Variants in XKR4 observed in about 807,000 individuals in gnomAD.
XKR4 encodes the protein XK related 4.
XKR4 carries 12 observed loss-of-function variants against 53.9 expected under a neutral mutation model. The observed-to-expected ratio is 0.22, with a 90% confidence interval of 0.14 to 0.36. XKR4 has a LOEUF of 0.36. Among genes scored for constraint, XKR4 ranks in the 10% least tolerant of loss-of-function variants. The pLI is 1.00. For missense variants in XKR4, 799 were observed against 859.5 expected, an observed-to-expected ratio of 0.93 and a Z score of 0.88; for synonymous variants, 354 against 362.4, an observed-to-expected ratio of 0.98 and a Z score of 0.26.
intron 2 of XKR4, among the ~76,000 whole-genome samples, chr8:55,365,447 G>A (rs563079836): frequency 6.6e-6 from 1 of 152,242 alleles, no homozygotes; most frequent in Non-Finnish European, 1.5e-5. Flanking sequence ...ACTCACGCCT[G>A]TAATCCCAGC....
chr8:55,476,277 G>A (rs1009243880), intron 2 of XKR4, among the ~76,000 whole-genome samples: 5 of 152,068 alleles, frequency 3.3e-5, no homozygotes, highest in Non-Finnish European at 5.9e-5. Context: ...GCCAGTATCA[G>A]AATTCACAGG....
intron 1 of XKR4, among the ~76,000 whole-genome samples, chr8:55,309,357 C>T (rs1432796805): frequency 2.0e-5 from 3 of 152,074 alleles, no homozygotes; most frequent in African/African-American, 7.2e-5. Flanking sequence ...TTTAATATGA[C>T]AACATTTCAG....
chr8:55,267,337 A>G (rs1818620336), intron 1 of XKR4, among the ~76,000 whole-genome samples: 2 of 152,226 alleles, frequency 1.3e-5, no homozygotes, highest in Admixed American at 6.5e-5. Context: ...TTGAGGCTGT[A>G]AAGAATGTCT....
chr8:55,493,371 A>G (rs1312218746), intron 2 of XKR4, among the ~76,000 whole-genome samples: 1 of 152,182 alleles, frequency 6.6e-6, no homozygotes. Flanking sequence ...TCACCTCCAG[A>G]GGTACTAGAA....
At chr8:55,234,925 G>A (rs1186057048) in intron 1 of XKR4, among the ~76,000 whole-genome samples, 1 of 152,148 alleles carries the variant, frequency 6.6e-6, no homozygotes, top group Non-Finnish European at 1.5e-5. Context: ...TTTAATACCT[G>A]TGTGTTCAAT....
chr8:55,476,229 C>A (rs1229490598), intron 2 of XKR4, among the ~76,000 whole-genome samples: 1 of 152,020 alleles, frequency 6.6e-6, no homozygotes, highest in Non-Finnish European at 1.5e-5. Flanking sequence ...GCCTAATGCA[C>A]TAACCCAAGA....
At chr8:55,363,495 A>G (rs1247058295) in intron 2 of XKR4, among the ~76,000 whole-genome samples, 1 of 152,176 alleles carries the variant, frequency 6.6e-6, no homozygotes, top group Non-Finnish European at 1.5e-5. Context: ...CCTGCTAACT[A>G]GGGTAACCAA....
intron 2 of XKR4, among the ~76,000 whole-genome samples, chr8:55,479,252 A>C (rs1434474611): frequency 1.3e-5 from 2 of 152,104 alleles, no homozygotes; most frequent in East Asian, 3.9e-4. Flanking sequence ...AACTCACTCA[A>C]AACTGCTCAA....
In XKR4 at chr8:55,379,935, T is replaced by C. The variant is rs138855653; in HGVS notation, c.1006+22058T>C. ...CTCTGAAATGGGAAACTACCTCAAGTGTTATGAGCACTGTCAACACTTCTT... is the reference window on the plus strand; with the variant it reads ...CTCTGAAATGGGAAACTACCTCAAGCGTTATGAGCACTGTCAACACTTCTT... On this transcript the variant is annotated intron_variant, in intron 2 of 2. Coordinates refer to ENST00000327381, the MANE Select transcript of XKR4 (RefSeq NM_052898.2). Among the ~76,000 whole-genome samples, 57 of 152,352 alleles carry C rather than the reference T, an allele frequency of 3.7e-4. 2 individuals carry two copies. In the Middle Eastern group the frequency reaches 0.02, roughly 55 times the overall value.
At position 55,415,194 on chromosome 8, in the gene XKR4, AT is replaced by A. The variant is rs556915944; in HGVS notation, c.1006+57318del. 7.9e-5 allele frequency among the ~76,000 whole-genome samples: 12 copies of A among 152,368 alleles called. 1 individual carries two copies. In the South Asian group the frequency reaches 2.5e-3, roughly 32 times the overall value. On this transcript the variant is annotated intron_variant, in intron 2 of 2. Transcript: ENST00000327381. Reference sequence around the variant, plus strand: ...CTATAGGTACTGCCTTTTCAAAGTCATGATTTTATCTGAGATTATTCAGATC... The same window carrying A: ...CTATAGGTACTGCCTTTTCAAAGTCAGATTTTATCTGAGATTATTCAGATC...
chr8:55,489,009 TGG>T (rs1407063557), intron 2 of XKR4, among the ~76,000 whole-genome samples: 1 of 151,700 alleles, frequency 6.6e-6, no homozygotes, highest in Non-Finnish European at 1.5e-5. Flanking sequence ...GATGAATAGA[TGG>T]GACACAAAAG....
chr8:55,227,917 G>GT (rs1482217323), intron 1 of XKR4, among the ~76,000 whole-genome samples: 1 of 152,012 alleles, frequency 6.6e-6, no homozygotes, highest in East Asian at 1.9e-4. Flanking sequence ...TGTTTTTTGT[G>GT]TTTTTTTGAG....
At chr8:55,142,987 T>C (rs1816726570) in intron 1 of XKR4, among the ~76,000 whole-genome samples, 1 of 147,834 alleles carries the variant, frequency 6.8e-6, no homozygotes, top group Non-Finnish European at 1.5e-5. Context: ...TTCATTTGCC[T>C]TTTTTTTTTA....
chr8:55,304,896 T>C (rs895272483), intron 1 of XKR4, among the ~76,000 whole-genome samples: 1 of 151,984 alleles, frequency 6.6e-6, no homozygotes, highest in African/African-American at 2.4e-5. Flanking sequence ...GCAGACACTT[T>C]ATTACCAGAG....
chr8:55,175,779 C>T (rs1053856367), intron 1 of XKR4, among the ~76,000 whole-genome samples: 7 of 152,098 alleles, frequency 4.6e-5, no homozygotes, highest in Non-Finnish European at 7.4e-5. Flanking sequence ...ATAGAGAAGA[C>T]CATATCAGTG....
chr8:55,221,672 A>T (rs1453440695), intron 1 of XKR4, among the ~76,000 whole-genome samples: 1 of 152,184 alleles, frequency 6.6e-6, no homozygotes, highest in Admixed American at 6.5e-5. Flanking sequence ...TCTCTTCAGC[A>T]ACCTCCCCAG....
intron 1 of XKR4, among the ~76,000 whole-genome samples, chr8:55,344,014 C>A (rs1803596412): frequency 6.6e-6 from 1 of 152,162 alleles, no homozygotes. Flanking sequence ...AGCATCGAAG[C>A]TCTTGGAAGT....
intron 2 of XKR4, among the ~76,000 whole-genome samples, chr8:55,515,202 C>G (rs963101093): frequency 6.6e-6 from 1 of 152,022 alleles, no homozygotes; most frequent in Non-Finnish European, 1.5e-5. Context: ...AATGGATTAC[C>G]AAAAGAAAGT....
chr8:55,510,131 T>C (rs1386705002), intron 2 of XKR4, among the ~76,000 whole-genome samples: 3 of 151,750 alleles, frequency 2.0e-5, no homozygotes, highest in Non-Finnish European at 4.4e-5. Flanking sequence ...ACAGGCTGAG[T>C]CCTCAGGGAA....
Sources: allele counts gnomAD v4.1 joint callset (sites outside exome capture counted in the v4.1 genomes callset), GRCh38; gene constraint gnomAD v4.1.1; transcripts MANE v1.5; gene names NCBI Gene and HGNC (gene_info 2026-07-23, HGNC 2026-07-21).